LEPR: variants seen among roughly 807,000 people sequenced by gnomAD.
LEPR encodes the protein leptin receptor.
Under a neutral mutation model 114.7 loss-of-function variants are expected in LEPR, and 56 were observed. The ratio of observed to expected loss-of-function variants is 0.49; its 90% CI spans 0.39 to 0.61. The LOEUF (loss-of-function observed/expected upper bound fraction) is 0.61, where lower values mean the gene tolerates loss of function less well. LEPR is among the 20% of genes least tolerant of loss of function. The probability of loss-of-function intolerance (pLI) is 0.00; values close to 1 mark genes in which losing one functional copy is unlikely to be tolerated. For synonymous variants in LEPR, 443 were observed against 461.4 expected (o/e 0.96, Z 0.51); for missense variants, 1,202 against 1,352.9 (o/e 0.89, Z 1.75).
chr1:65,507,497 G>A (rs1471695884), intron 2 of LEPR, among the ~76,000 whole-genome samples: 17 of 138,606 alleles, frequency 1.2e-4, no homozygotes, highest in African/African-American at 4.6e-4. Flanking sequence ...ATATATGTGT[G>A]TGTATATATA....
chr1:65,455,817 G>C (rs1313279219), intron 2 of LEPR, among the ~76,000 whole-genome samples: 1 of 151,958 alleles, frequency 6.6e-6, no homozygotes, highest in Non-Finnish European at 1.5e-5. Flanking sequence ...CACCCAGTTC[G>C]AGCTTCCTGG....
At chr1:65,488,275 T>A (rs1647676554) in intron 2 of LEPR, among the ~76,000 whole-genome samples, 1 of 144,070 alleles carries the variant, frequency 6.9e-6, no homozygotes, top group South Asian at 2.2e-4. Flanking sequence ...CTCTTTCCTC[T>A]TTCTTTCCCT....
At position 65,506,035 on chromosome 1, in the gene LEPR, G is replaced by A. The variant is rs967900285; in HGVS notation, c.-20-59511G>A. ...TTCCCTAAGGCCTTATTTGGCAAAA[G>A]TAAGAGCTGGCAAACATGCTGGTTC... On this transcript the variant is annotated intron_variant, in intron 2 of 19. Coordinates refer to ENST00000349533, the MANE Select transcript of LEPR (RefSeq NM_002303.6). 2.6e-5 allele frequency among the ~76,000 whole-genome samples: 4 copies of A among 152,308 alleles called. 1 individual carries two copies. The highest frequency in any genetic ancestry group is 3.9e-4 in the East Asian group (2 of 5,180).
Position 65,636,359 on chromosome 1 carries a change from C to G in LEPR, c.2842C>G (p.Leu948Val), listed in dbSNP as rs373216030. 6.2e-6 allele frequency: 10 copies of G among 1,613,902 alleles called. No homozygotes were observed. The highest frequency in any genetic ancestry group is 8.5e-6 in the Non-Finnish European group (10 of 1,179,982). The change falls in exon 20 of 20, where the codon CTT (leucine) becomes GTT (valine). Residue 948 changes from leucine to valine, a missense_variant. Leu to Val is a conservative substitution (Grantham distance 32, BLOSUM62 1). Coordinates refer to ENST00000349533, the MANE Select transcript of LEPR (RefSeq NM_002303.6). ...TVVSLLSTTDLEKGSVCISDQ... is the reference protein window; with the variant it reads ...TVVSLLSTTDVEKGSVCISDQ... ...GGTCTCTCTACTTTCAACAACAGATCTTGAAAAGGGTTCTGTTTGTATTAG... is the reference window on the plus strand; with the variant it reads ...GGTCTCTCTACTTTCAACAACAGATGTTGAAAAGGGTTCTGTTTGTATTAG...
At chr1:65,532,638 A>C (rs949299071) in intron 2 of LEPR, among the ~76,000 whole-genome samples, 1 of 152,208 alleles carries the variant, frequency 6.6e-6, no homozygotes, top group Admixed American at 6.5e-5. Context: ...ATACAATGGA[A>C]TATTATTAGG....
At chr1:65,430,399 T>A (rs2100220195) in intron 2 of LEPR, 1 of 165,138 alleles carries the variant, frequency 6.1e-6, no homozygotes, top group Non-Finnish European at 1.3e-5. Flanking sequence ...ATATTTCAAA[T>A]TCTTCTCCTG....
At chr1:65,432,755 C>A in intron 2 of LEPR, 1 of 552,484 alleles carries the variant, frequency 1.8e-6, no homozygotes, top group Non-Finnish European at 2.3e-6. Flanking sequence ...GCACAGCATG[C>A]TAAATATAGG....
intron 19 of LEPR, among the ~76,000 whole-genome samples, chr1:65,632,668 T>C (rs1384067885): frequency 6.6e-6 from 1 of 152,196 alleles, no homozygotes; most frequent in Non-Finnish European, 1.5e-5. Flanking sequence ...ATATAATTTC[T>C]GAGATCTTAT....
intron 2 of LEPR, among the ~76,000 whole-genome samples, chr1:65,492,781 C>G (rs1647943616): frequency 6.6e-6 from 1 of 151,072 alleles, no homozygotes; most frequent in East Asian, 1.9e-4. Context: ...GGAATGCTTT[C>G]CTCTCCATCT....
intron 5 of LEPR, among the ~76,000 whole-genome samples, chr1:65,579,059 A>G (rs776203613): frequency 1.3e-5 from 2 of 152,168 alleles, no homozygotes; most frequent in African/African-American, 2.4e-5. Context: ...TCTTTGTGCA[A>G]TCGTCATGAG....
chr1:65,484,110 G>A (rs892188231), intron 2 of LEPR, among the ~76,000 whole-genome samples: 1 of 151,876 alleles, frequency 6.6e-6, no homozygotes, highest in Admixed American at 6.6e-5. Flanking sequence ...TCTTGCCTCG[G>A]CCTTCCAAAG....
intron 2 of LEPR, among the ~76,000 whole-genome samples, chr1:65,537,320 T>C (rs987658756): frequency 6.6e-6 from 1 of 152,148 alleles, no homozygotes; most frequent in Non-Finnish European, 1.5e-5. Flanking sequence ...AAAAACTTAC[T>C]TATGTATAAA....
chr1:65,590,963 G>A (rs1413586779), intron 5 of LEPR, among the ~76,000 whole-genome samples: 1 of 151,322 alleles, frequency 6.6e-6, no homozygotes, highest in African/African-American at 2.4e-5. Flanking sequence ...CATATAGGCA[G>A]TTAGTGCCTA....
At chr1:65,524,508 C>T (rs1178662349) in intron 2 of LEPR, among the ~76,000 whole-genome samples, 2 of 152,178 alleles carry the variant, frequency 1.3e-5, no homozygotes, top group South Asian at 4.1e-4. Flanking sequence ...GCTCCATTTG[C>T]GAAGTTATAG....
intron 5 of LEPR, among the ~76,000 whole-genome samples, chr1:65,573,660 C>T (rs985954589): frequency 6.6e-6 from 1 of 152,070 alleles, no homozygotes; most frequent in Non-Finnish European, 1.5e-5. Flanking sequence ...TCCTTCAGTT[C>T]TGCAGTTATT....
chr1:65,525,726 G>A (rs1649902957), intron 2 of LEPR: 2 of 985,910 alleles, frequency 2.0e-6, no homozygotes, highest in Non-Finnish European at 1.2e-6. Context: ...CCATCGCAGA[G>A]CCCACGGCCA....
intron 2 of LEPR, among the ~76,000 whole-genome samples, chr1:65,460,650 C>T (rs544362879): frequency 3.9e-4 from 60 of 152,098 alleles, no homozygotes; most frequent in African/African-American, 1.4e-3. Context: ...TTTGGGAGGC[C>T]GTTCGAGACC....
Position 65,583,584 on chromosome 1 carries a change from A to G in LEPR, c.495-9073A>G, listed in dbSNP as rs953877387. On this transcript the variant is annotated intron_variant, in intron 5 of 19. Transcript: ENST00000349533. Reference sequence around the variant, plus strand: ...CCCCAAAATGCTTAAAGGATGCCCTAAAAGATTCAAATTAGTGCTCAAGTA... The same window carrying G: ...CCCCAAAATGCTTAAAGGATGCCCTGAAAGATTCAAATTAGTGCTCAAGTA... 2.0e-5 allele frequency among the ~76,000 whole-genome samples: 3 copies of G among 152,152 alleles called. No homozygotes were observed. In the East Asian group the frequency reaches 5.8e-4, roughly 29 times the overall value.
rs1553152793 is a variant in LEPR, at chr1:65,443,970, T to TTA, written c.-21+18593_-21+18594insAT. Among the ~76,000 whole-genome samples, 10 of 42,310 alleles carry TTA rather than the reference T, an allele frequency of 2.4e-4. 3 individuals carry two copies. Among genetic ancestry groups the TTA allele is most frequent in the Non-Finnish European group, 4.6e-4 (6 of 13,038 alleles). The allele number at this position is 42,310 out of a possible 152,430, so 27.8% of individuals were successfully genotyped here. A position where few individuals can be genotyped will look rare whatever the true frequency, so the allele number is the denominator to read the frequency against. On this transcript the variant is annotated intron_variant, in intron 2 of 19. Transcript: ENST00000349533. The stretch of plus-strand genomic sequence containing the variant: ...CTGATACTTTTTTTTTTTTTTTTTT[T>TTA]TTATACTCTAAGTTTTAGGGTACAT...
Sources: allele counts gnomAD v4.1 joint callset (sites outside exome capture counted in the v4.1 genomes callset), GRCh38; gene constraint gnomAD v4.1.1; transcripts MANE v1.5; gene names NCBI Gene and HGNC (gene_info 2026-07-23, HGNC 2026-07-21).